TRIM71: variants seen among roughly 807,000 people sequenced by gnomAD.
TRIM71 encodes the protein E3 ubiquitin-protein ligase TRIM71.
In TRIM71, 9 loss-of-function variants were observed where a neutral mutation model predicts 61.2. The observed-to-expected ratio is 0.15, with a 90% confidence interval of 0.09 to 0.26. The LOEUF (loss-of-function observed/expected upper bound fraction) is 0.26, where lower values mean the gene tolerates loss of function less well. Among genes scored for constraint, TRIM71 ranks in the 10% least tolerant of loss-of-function variants. TRIM71 has a pLI of 1.00. For synonymous variants in TRIM71, 645 were observed against 553.2 expected (o/e 1.17, Z -2.33); for missense variants, 998 against 1,238.7 (o/e 0.81, Z 2.92).
At chr3:32,849,662 A>AGT (rs1393371939) in intron 1 of TRIM71, among the ~76,000 whole-genome samples, 6 of 152,224 alleles carry the variant, frequency 3.9e-5, no homozygotes, top group African/African-American at 1.4e-4. Context: ...TAGGGCCTGG[A>AGT]GTTCTAATCC....
chr3:32,818,990 G>C (rs1172116154), intron 1 of TRIM71, 58 bp downstream of exon 1: 2 of 1,574,582 alleles, frequency 1.3e-6, no homozygotes, highest in African/African-American at 2.7e-5. Flanking sequence ...GTGCTCAACA[G>C]CGTTTCCCGG....
intron 2 of TRIM71, among the ~76,000 whole-genome samples, chr3:32,880,499 G>GA (rs1387953458): frequency 1.3e-5 from 2 of 152,156 alleles, no homozygotes; most frequent in African/African-American, 4.8e-5. Flanking sequence ...CCTAACTTAT[G>GA]ACTTTAAAGA....
At chr3:32,872,843 C>T (rs1424781215) in intron 1 of TRIM71, among the ~76,000 whole-genome samples, 2 of 152,186 alleles carry the variant, frequency 1.3e-5, no homozygotes, top group Admixed American at 6.5e-5. Context: ...CTGCCTGTTG[C>T]ATGTTAGCTA....
At chr3:32,887,596 T>C (rs1281884770) in intron 3 of TRIM71, among the ~76,000 whole-genome samples, 1 of 151,656 alleles carries the variant, frequency 6.6e-6, no homozygotes, top group Non-Finnish European at 1.5e-5. Flanking sequence ...CTGGTTACTT[T>C]AAGATATATA....
chr3:32,866,377 C>T (rs1479926507), intron 1 of TRIM71, among the ~76,000 whole-genome samples: 5 of 152,014 alleles, frequency 3.3e-5, no homozygotes, highest in Admixed American at 3.3e-4. Flanking sequence ...TCCCGAGTAG[C>T]TAGGATTACA....
chr3:32,850,200 A>T (rs1261868952), intron 1 of TRIM71, among the ~76,000 whole-genome samples: 3 of 152,110 alleles, frequency 2.0e-5, no homozygotes, highest in African/African-American at 7.2e-5. Context: ...TGGCAAATCT[A>T]GGGTTTTCTA....
intron 1 of TRIM71, among the ~76,000 whole-genome samples, chr3:32,866,344 G>A (rs569574076): frequency 1.3e-5 from 2 of 151,792 alleles, no homozygotes; most frequent in South Asian, 4.2e-4. Flanking sequence ...TGCCCCCTGG[G>A]TTCAATCTAT....
Position 32,818,833 on chromosome 3 carries a change from G to T in TRIM71, c.753G>T (p.Ala251=). 6.2e-7 allele frequency: 1 copy of T among 1,611,502 alleles called. No homozygotes were observed. Among genetic ancestry groups the T allele is most frequent in the Non-Finnish European group, 8.5e-7 (1 of 1,179,328 alleles). ...GPPGPGAAAA[A]QQLGLGPPFP... ...CGGGTCCCGGTGCCGCAGCAGCGGCGCAGCAGCTCGGGCTCGGGCCGCCCT... is the reference window on the plus strand; with the variant it reads ...CGGGTCCCGGTGCCGCAGCAGCGGCTCAGCAGCTCGGGCTCGGGCCGCCCT... Residue 251 remains alanine (A), a synonymous_variant, in exon 1 of 4, where the codon GCG becomes GCT. Coordinates refer to ENST00000383763, the MANE Select transcript of TRIM71 (RefSeq NM_001039111.3).
rs1469980410 is a variant in TRIM71, at chr3:32,891,502, C to T, written c.2298C>T (p.Phe766=). ...NHEGHLVVTD[F]NNHRLLVIHP... ...AGGGCCACTTGGTGGTCACTGACTTCAACAACCACCGGCTCCTGGTTATTC... is the reference window on the plus strand; with the variant it reads ...AGGGCCACTTGGTGGTCACTGACTTTAACAACCACCGGCTCCTGGTTATTC... Residue 766 remains phenylalanine, a synonymous_variant, in exon 4 of 4, where the codon TTC becomes TTT. Coordinates refer to ENST00000383763, the MANE Select transcript of TRIM71 (RefSeq NM_001039111.3). This position sits in a 1 kb window ranked among gnomAD's most constrained non-coding sequence, Gnocchi z 8.2. 6.2e-7 allele frequency: 1 copy of T among 1,613,366 alleles called. No individual in the cohort carries two copies. Among genetic ancestry groups the T allele is most frequent in the Non-Finnish European group, 8.5e-7 (1 of 1,179,714 alleles).
chr3:32,824,313 G>A (rs1378530595), intron 1 of TRIM71, among the ~76,000 whole-genome samples: 3 of 151,694 alleles, frequency 2.0e-5, no homozygotes, highest in Non-Finnish European at 2.9e-5. Context: ...AAGTAACGGG[G>A]ATTACAGGCG....
In TRIM71 at chr3:32,890,816, G is replaced by A. The variant is rs1357425742; in HGVS notation, c.1612G>A (p.Ala538Thr). The A allele has an allele frequency of 2.5e-6, 4 of 1,614,076 alleles. No homozygotes were observed. Among genetic ancestry groups the A allele is most frequent in the Non-Finnish European group, 2.5e-6 (3 of 1,180,050 alleles). ...VLGPDGNLFG[A>T]EVSDQQNGTY... ...GGGCCCTGATGGCAACCTGTTTGGT[G>A]CAGAGGTGAGTGATCAGCAGAATGG... Residue 538 changes from alanine (A) to threonine (T), a missense_variant, in exon 4 of 4, where the codon GCA (alanine) becomes ACA (threonine). This residue lies in a region of TRIM71 where 291 missense variants were observed against 431.2 expected (regional missense o/e 0.67). Transcript: ENST00000383763. The surrounding 1 kb of genome is among the most constrained non-coding windows in gnomAD (Gnocchi z 6.2).
Position 32,885,948 on chromosome 3 carries a change from G to A in TRIM71, c.1035G>A (p.Gln345=), listed in dbSNP as rs1457157025. The change falls in exon 3 of 4, where the codon CAG becomes CAA. Residue 345 remains glutamine (Q), a synonymous_variant. Transcript: ENST00000383763. ...GRQAIQLSIE[Q]AQTVAEQVEM... ...TGGTTTTCCAGCTGAGCATCGAGCA[G>A]GCCCAGACGGTGGCGGAACAGGTGG... is the stretch of plus-strand genomic sequence containing the variant. 2 of 1,613,842 alleles carry A rather than the reference G, an allele frequency of 1.2e-6. No individual in the cohort carries two copies. The highest frequency in any genetic ancestry group is 1.7e-6 in the Non-Finnish European group (2 of 1,179,980).
At chr3:32,858,427 T>C (rs1696630192) in intron 1 of TRIM71, among the ~76,000 whole-genome samples, 1 of 152,184 alleles carries the variant, frequency 6.6e-6, no homozygotes. Context: ...GTTTAAAAAT[T>C]AGCAGTGAAC....
At chr3:32,848,542 CTCTT>C (rs1333832119) in intron 1 of TRIM71, among the ~76,000 whole-genome samples, 1 of 152,158 alleles carries the variant, frequency 6.6e-6, no homozygotes, top group Non-Finnish European at 1.5e-5. Context: ...TCTCTGCTAT[CTCTT>C]TATCTCATAT....
intron 1 of TRIM71, among the ~76,000 whole-genome samples, chr3:32,839,940 C>T (rs188603100): frequency 2.0e-5 from 3 of 152,044 alleles, no homozygotes; most frequent in South Asian, 2.1e-4. Context: ...ACTCTACTGG[C>T]GATTAGAACT....
intron 2 of TRIM71, among the ~76,000 whole-genome samples, chr3:32,874,363 CT>C (rs1464519871): frequency 0.016 from 1,681 of 108,428 alleles, 23 homozygotes; most frequent in South Asian, 0.054. Flanking sequence ...ACTACTACTA[CT>C]ACTACAACAT....
intron 1 of TRIM71, among the ~76,000 whole-genome samples, chr3:32,822,335 G>C (rs373670137): frequency 1.3e-5 from 2 of 152,236 alleles, no homozygotes; most frequent in African/African-American, 4.8e-5. Context: ...GCAGGTGTTG[G>C]TAGAATCCAT....
At chr3:32,847,032 G>T (rs1696483428) in intron 1 of TRIM71, among the ~76,000 whole-genome samples, 1 of 152,046 alleles carries the variant, frequency 6.6e-6, no homozygotes, top group Non-Finnish European at 1.5e-5. Flanking sequence ...GGATCATGTG[G>T]AAGTTCTGTT....
At chr3:32,841,630 C>G (rs934739183) in intron 1 of TRIM71, among the ~76,000 whole-genome samples, 9 of 152,126 alleles carry the variant, frequency 5.9e-5, no homozygotes, top group African/African-American at 1.4e-4. Flanking sequence ...CCCCACCCCC[C>G]AAAAGAAAAA....
Sources: gnomAD v4.1 joint callset for allele counts (sites outside exome capture counted in the v4.1 genomes callset) on GRCh38, gnomAD v4.1.1 for gene constraint, gnomAD v4.1.1 regional missense constraint, Gnocchi (gnomAD v3.1) non-coding constraint, MANE v1.5 for transcripts, NCBI Gene and HGNC (gene_info 2026-07-23, HGNC 2026-07-21) for gene names.